SULT1C2: variants seen among roughly 807,000 people sequenced by gnomAD.
SULT1C2 encodes sulfotransferase family 1C member 2.
Under a neutral mutation model 36.0 loss-of-function variants are expected in SULT1C2, and 27 were observed. The observed-to-expected ratio is 0.75, with a 90% CI of 0.55 to 1.03. SULT1C2 has a LOEUF of 1.03. Among genes scored for constraint, SULT1C2 ranks in the 50% least tolerant of loss-of-function variants. The probability of loss-of-function intolerance (pLI) is 0.00; values close to 1 mark genes in which losing one functional copy is unlikely to be tolerated. For missense variants in SULT1C2, 395 were observed against 359.2 expected, an observed-to-expected ratio of 1.10 and a Z score of -0.80; for synonymous variants, 121 against 116.0, an observed-to-expected ratio of 1.04 and a Z score of -0.27.
Position 108,305,268 on chromosome 2 carries a change from T to G in SULT1C2, c.597+2T>G. 1.2e-6 allele frequency: 2 copies of G among 1,613,796 alleles called. No homozygotes were observed. Among genetic ancestry groups the G allele is most frequent in the Non-Finnish European group, 1.7e-6 (2 of 1,179,922 alleles). On this transcript the variant is annotated splice_donor_variant, in intron 6 of 7. Transcript: ENST00000251481. LOFTEE classifies it high-confidence loss of function. ...CTCTTCTATGAGGACATAAAGAGGGTGAGTGAAGGCTCTGCAGAAGAACCA... is the reference window on the plus strand; with the variant it reads ...CTCTTCTATGAGGACATAAAGAGGGGGAGTGAAGGCTCTGCAGAAGAACCA...
intron 3 of SULT1C2, among the ~76,000 whole-genome samples, chr2:108,296,113 T>G (rs1405610977): frequency 6.6e-6 from 1 of 152,156 alleles, no homozygotes; most frequent in Non-Finnish European, 1.5e-5. Context: ...TGATCTTTGT[T>G]CTACCTCCTG....
chr2:108,304,639 C>A lies in SULT1C2; in HGVS notation c.441C>A (p.Asn147Lys). 1.2e-6 allele frequency: 2 copies of A among 1,613,972 alleles called. No individual in the cohort carries two copies. The highest frequency in any genetic ancestry group is 2.2e-5 in the East Asian group (1 of 44,882). ...MVSYYHFQRM[N>K]HMLPDPGTWE... is the part of the protein sequence containing the mutation. ...CCTACTACCATTTCCAAAGGATGAACCACATGCTTCCTGACCCTGGTACCT... is the reference window on the plus strand; with the variant it reads ...CCTACTACCATTTCCAAAGGATGAAACACATGCTTCCTGACCCTGGTACCT... Residue 147 changes from asparagine (N) to lysine (K), a missense_variant, in exon 5 of 8, where the codon AAC becomes AAA. Coordinates refer to ENST00000251481, the MANE Select transcript of SULT1C2 (RefSeq NM_001056.4).
intron 5 of SULT1C2, 45 bp from the exon 6 acceptor site, chr2:108,305,127 G>T: frequency 6.2e-7 from 1 of 1,607,386 alleles, no homozygotes; most frequent in Non-Finnish European, 8.5e-7. Context: ...AGAAGGTTTT[G>T]TGTGATGCCT....
intron 3 of SULT1C2, among the ~76,000 whole-genome samples, chr2:108,295,112 G>A (rs997889948): frequency 1.7e-4 from 26 of 151,882 alleles, no homozygotes; most frequent in African/African-American, 6.1e-4. Flanking sequence ...GTAGACAGAG[G>A]TCTGATAAAT....
Position 108,295,554 on chromosome 2 carries a change from C to CCGT in SULT1C2, c.277+1202_277+1204dup, listed in dbSNP as rs147435556. On this transcript the variant is annotated intron_variant, in intron 3 of 7. Coordinates refer to ENST00000251481, the MANE Select transcript of SULT1C2 (RefSeq NM_001056.4). ...ACCTCACAACGTTTAAATCCTGACTCCGTCACTCACCTCACAATGTTTACA... is the reference window on the plus strand; with the variant it reads ...ACCTCACAACGTTTAAATCCTGACTCCGTCGTCACTCACCTCACAATGTTTACA... 4.9e-3 allele frequency among the ~76,000 whole-genome samples: 749 copies of CCGT among 152,340 alleles called. 8 individuals are homozygous for CCGT. The highest frequency in any genetic ancestry group is 0.017 in the African/African-American group (709 of 41,562).
chr2:108,295,406 T>C (rs1425315459), intron 3 of SULT1C2, among the ~76,000 whole-genome samples: 1 of 152,208 alleles, frequency 6.6e-6, no homozygotes, highest in East Asian at 1.9e-4. Context: ...TGCTTAACCA[T>C]GATCTCACTC....
At chr2:108,289,739 A>G (rs547595255) in intron 1 of SULT1C2, among the ~76,000 whole-genome samples, 90 of 152,264 alleles carry the variant, frequency 5.9e-4, no homozygotes, top group African/African-American at 2.0e-3. Context: ...TGGCCCAGCA[A>G]TGAGGGGCCT....
At chr2:108,295,405 A>G (rs554574874) in intron 3 of SULT1C2, among the ~76,000 whole-genome samples, 1 of 152,282 alleles carries the variant, frequency 6.6e-6, no homozygotes, top group East Asian at 1.9e-4. Context: ...CTGCTTAACC[A>G]TGATCTCACT....
chr2:108,301,103 G>C, intron 4 of SULT1C2, 168 bp downstream of exon 4: 1 of 842,006 alleles, frequency 1.2e-6, no homozygotes, highest in Non-Finnish European at 1.8e-6. Flanking sequence ...ACATTCACCT[G>C]AACAGTTTCA....
intron 4 of SULT1C2, chr2:108,302,701 A>T (rs964048373): frequency 1.3e-5 from 2 of 152,256 alleles, no homozygotes; most frequent in Non-Finnish European, 2.9e-5. Flanking sequence ...GAGAAGGTTC[A>T]AGTTGTGTGA....
In SULT1C2 at chr2:108,300,856, C is replaced by G; in HGVS notation, c.296C>G (p.Ala99Gly). 1 of 1,614,138 alleles carries G rather than the reference C, an allele frequency of 6.2e-7. No individual in the cohort carries two copies. The highest frequency in any genetic ancestry group is 1.6e-4 in the Middle Eastern group (1 of 6,062). Residue 99 changes from alanine (A) to glycine (G), a missense_variant, in exon 4 of 8, where the codon GCA becomes GGA. Physicochemically the swap from Ala to Gly is moderately conservative, Grantham distance 60 (BLOSUM62 0). Coordinates refer to ENST00000251481, the MANE Select transcript of SULT1C2 (RefSeq NM_001056.4). ...TTTAAAGGTGTGGAAAAAGCCAAAG[C>G]AATGCCCTCTCCACGGATACTAAAG... Reference protein sequence around the residue: ...PQPSGVEKAKAMPSPRILKTH... With the variant: ...PQPSGVEKAKGMPSPRILKTH...
intron 3 of SULT1C2, among the ~76,000 whole-genome samples, chr2:108,296,882 G>T (rs541338664): frequency 2.6e-5 from 4 of 152,260 alleles, no homozygotes; most frequent in African/African-American, 9.6e-5. Flanking sequence ...ATTCTGGAGT[G>T]GTCAGACACT....
At chr2:108,301,296 C>T (rs1414229756) in intron 4 of SULT1C2, 1 of 195,962 alleles carries the variant, frequency 5.1e-6, no homozygotes, top group Non-Finnish European at 1.0e-5. Flanking sequence ...AAAGCTAAAG[C>T]TCTCCCCAAA....
chr2:108,297,291 G>A (rs1310480019), intron 3 of SULT1C2, among the ~76,000 whole-genome samples: 1 of 152,146 alleles, frequency 6.6e-6, no homozygotes, highest in Non-Finnish European at 1.5e-5. Flanking sequence ...ACCGTTCCTG[G>A]AGGTGACACC....
intron 4 of SULT1C2, chr2:108,304,243 T>C (rs1553420688): frequency 5.3e-6 from 1 of 189,476 alleles, no homozygotes; most frequent in Non-Finnish European, 1.1e-5. Context: ...CAGTTTACGT[T>C]GATACTGTGG....
At position 108,299,363 on chromosome 2, in the gene SULT1C2, A is replaced by G. The variant is rs552770787; in HGVS notation, c.278-1475A>G. On this transcript the variant is annotated intron_variant, in intron 3 of 7. Coordinates refer to ENST00000251481, the MANE Select transcript of SULT1C2 (RefSeq NM_001056.4). ...GTTTGGTGTTTTAATCAGAATCTGC[A>G]GGTGTGTGATTAACAGGAAAGATCT... 10 of 152,396 alleles carry G rather than the reference A, an allele frequency of 6.6e-5. No homozygotes were observed. The East Asian group carries it at 1.5e-3, about 23-fold the overall frequency. The allele number at this position is 152,396 out of a possible 1,614,324, so 9.4% of individuals were successfully genotyped here.
intron 6 of SULT1C2, 69 bp from the exon 7 acceptor site, chr2:108,305,346 T>C: frequency 1.2e-6 from 2 of 1,609,412 alleles, no homozygotes; most frequent in African/African-American, 2.7e-5. Flanking sequence ...TCAAAGGACA[T>C]CCCAGAGAAT....
rs1676982195 is a variant in SULT1C2 at position 108,304,850 on chromosome 2, G to A, written c.502+150G>A. The stretch of plus-strand genomic sequence containing the variant: ...GACTGGGCAGAGCAAGCTGGCCACT[G>A]AGTGTATGCCCACAGCCCTCAGCAA... On this transcript the variant is annotated intron_variant, in intron 5 of 7. Coordinates refer to ENST00000251481, the MANE Select transcript of SULT1C2 (RefSeq NM_001056.4). 2.9e-5 allele frequency: 31 copies of A among 1,060,362 alleles called. No homozygotes were observed. The South Asian group carries it at 4.9e-4, about 17-fold the overall frequency. The allele number at this position is 1,060,362 out of a possible 1,614,324, so 65.7% of individuals were successfully genotyped here. A position where few individuals can be genotyped will look rare whatever the true frequency, so the allele number is the denominator to read the frequency against.
At chr2:108,294,777 TACAC>T (rs149576778) in intron 3 of SULT1C2, among the ~76,000 whole-genome samples, 2 of 148,288 alleles carry the variant, frequency 1.3e-5, no homozygotes, top group South Asian at 4.3e-4. Context: ...CACACACACA[TACAC>T]ACACACACAC....
Sources: allele counts gnomAD v4.1 joint callset (sites outside exome capture counted in the v4.1 genomes callset), GRCh38; gene constraint gnomAD v4.1.1; transcripts MANE v1.5; gene names NCBI Gene and HGNC (gene_info 2026-07-23, HGNC 2026-07-21).